Variants in CNTN5 observed in about 807,000 individuals in gnomAD.
CNTN5 encodes the protein contactin 5.
CNTN5 carries 77 observed loss-of-function variants against 129.1 expected under a neutral mutation model. The ratio of observed to expected loss-of-function variants is 0.60; its 90% confidence interval spans 0.50 to 0.72. The LOEUF (loss-of-function observed/expected upper bound fraction) is 0.72. Among genes scored for constraint, CNTN5 ranks in the 30% least tolerant of loss-of-function variants. The probability of loss-of-function intolerance (pLI) is 0.00; values close to 1 mark genes in which losing one functional copy is unlikely to be tolerated. For missense variants in CNTN5, 1,478 were observed against 1,328.8 expected (o/e 1.11, Z -1.75); for synonymous variants, 509 against 465.6 (o/e 1.09, Z -1.20).
chr11:99,209,984 T>C (rs1859684607), intron 1 of CNTN5, among the ~76,000 whole-genome samples: 1 of 152,158 alleles, frequency 6.6e-6, no homozygotes, highest in Admixed American at 6.5e-5. Flanking sequence ...GTAAAACCTA[T>C]CAAAGTTCCA....
At chr11:99,635,749 AAATT>A in intron 3 of CNTN5, among the ~76,000 whole-genome samples, 1 of 152,202 alleles carries the variant, frequency 6.6e-6, no homozygotes, top group East Asian at 1.9e-4. Flanking sequence ...GTAGGTAAAT[AAATT>A]ATGTTTATGT....
intron 3 of CNTN5, among the ~76,000 whole-genome samples, chr11:99,567,649 C>T (rs555492563): frequency 6.6e-6 from 1 of 152,184 alleles, no homozygotes; most frequent in African/African-American, 2.4e-5. Flanking sequence ...TCTGACTTCC[C>T]TGCTGCAGTT....
At chr11:99,301,487 G>A (rs1000712461) in intron 1 of CNTN5, among the ~76,000 whole-genome samples, 2 of 151,638 alleles carry the variant, frequency 1.3e-5, no homozygotes, top group African/African-American at 4.8e-5. Flanking sequence ...TATTGTTACT[G>A]GAGACAAGAG....
chr11:99,258,291 T>G (rs1282548647), intron 1 of CNTN5, among the ~76,000 whole-genome samples: 5 of 152,056 alleles, frequency 3.3e-5, no homozygotes, highest in South Asian at 4.1e-4. Flanking sequence ...TTCCTGATCC[T>G]CACCCTCCTC....
chr11:100,356,478 A>G lies in CNTN5; in HGVS notation c.*258A>G, dbSNP rs1208077532. ...GTATGTAATGAATTTTTGTAAACAA[A>G]GGTAATTTCTGTCAAATGTATTCTT... On this transcript the variant is annotated 3_prime_UTR_variant, in exon 25 of 25. Transcript: ENST00000524871. 2 of 464,598 alleles carry G rather than the reference A, an allele frequency of 4.3e-6. No individual in the cohort carries two copies. Among genetic ancestry groups the G allele is most frequent in the Admixed American group, 7.5e-5 (2 of 26,566 alleles). The allele number at this position is 464,598 out of a possible 1,614,324, so 28.8% of individuals were successfully genotyped here.
intron 21 of CNTN5, among the ~76,000 whole-genome samples, chr11:100,337,950 A>C (rs1952069366): frequency 6.6e-6 from 1 of 152,254 alleles, no homozygotes; most frequent in South Asian, 2.1e-4. Flanking sequence ...AACCAAAGAA[A>C]GTCCCATAAG....
intron 13 of CNTN5, among the ~76,000 whole-genome samples, chr11:100,085,550 C>T (rs1944517262): frequency 6.6e-6 from 1 of 152,012 alleles, no homozygotes; most frequent in East Asian, 1.9e-4. Flanking sequence ...AAGGAGGCAC[C>T]TGTCTGGTGG....
intron 3 of CNTN5, among the ~76,000 whole-genome samples, chr11:99,793,505 G>A (rs187649651): frequency 6.6e-6 from 1 of 152,156 alleles, no homozygotes; most frequent in East Asian, 1.9e-4. Flanking sequence ...TGTACTTCTA[G>A]TTCCTCTAGT....
intron 3 of CNTN5, among the ~76,000 whole-genome samples, chr11:99,796,459 G>T (rs1945944247): frequency 2.6e-5 from 4 of 152,046 alleles, no homozygotes. Flanking sequence ...ATGGTGGGGG[G>T]TAAGTGCGAG....
intron 9 of CNTN5, among the ~76,000 whole-genome samples, chr11:100,037,638 A>G (rs1265032124): frequency 6.6e-6 from 1 of 152,040 alleles, no homozygotes; most frequent in Non-Finnish European, 1.5e-5. Context: ...TATTGCCACA[A>G]TTTCAGCTCC....
At chr11:99,414,685 G>C (rs764886812) in intron 2 of CNTN5, among the ~76,000 whole-genome samples, 9 of 152,156 alleles carry the variant, frequency 5.9e-5, no homozygotes, top group Non-Finnish European at 1.0e-4. Flanking sequence ...CTGAATTATG[G>C]GAGAGACTAA....
chr11:100,039,835 C>A (rs1942267936), intron 9 of CNTN5, among the ~76,000 whole-genome samples: 1 of 152,178 alleles, frequency 6.6e-6, no homozygotes. Context: ...CCTTTAAGGA[C>A]TTCTCTGCAT....
chr11:100,113,765 T>G (rs1309661204), intron 13 of CNTN5, among the ~76,000 whole-genome samples: 1 of 152,140 alleles, frequency 6.6e-6, no homozygotes, highest in Non-Finnish European at 1.5e-5. Context: ...TTATAAACAC[T>G]TCAAATTACT....
chr11:99,393,585 G>C (rs765460465), intron 2 of CNTN5, among the ~76,000 whole-genome samples: 1 of 151,702 alleles, frequency 6.6e-6, no homozygotes, highest in Non-Finnish European at 1.5e-5. Flanking sequence ...TAAGACTTTA[G>C]GCTTTTTAAC....
intron 6 of CNTN5, among the ~76,000 whole-genome samples, chr11:99,898,847 ATCC>A (rs1222510125): frequency 6.6e-6 from 1 of 151,922 alleles, no homozygotes; most frequent in Non-Finnish European, 1.5e-5. Flanking sequence ...ACAATTTTAT[ATCC>A]TGTATTTTTC....
At chr11:99,211,383 C>A (rs992132092) in intron 1 of CNTN5, among the ~76,000 whole-genome samples, 3 of 152,022 alleles carry the variant, frequency 2.0e-5, no homozygotes, top group East Asian at 3.9e-4. Context: ...CTAGTCTAGA[C>A]AATTTTTTAA....
intron 3 of CNTN5, among the ~76,000 whole-genome samples, chr11:99,797,223 G>A (rs1945972511): frequency 6.6e-6 from 1 of 152,094 alleles, no homozygotes; most frequent in African/African-American, 2.4e-5. Flanking sequence ...AGGAGTGCAG[G>A]CGTAATTTTT....
intron 1 of CNTN5, among the ~76,000 whole-genome samples, chr11:99,101,695 C>A (rs1866741435): frequency 6.6e-6 from 1 of 152,218 alleles, no homozygotes; most frequent in African/African-American, 2.4e-5. Context: ...GATGGGCTCC[C>A]ATGACCTTGG....
intron 7 of CNTN5, among the ~76,000 whole-genome samples, chr11:99,935,222 C>A (rs898840944): frequency 1.3e-5 from 2 of 151,382 alleles, no homozygotes; most frequent in Non-Finnish European, 2.9e-5. Context: ...AACCAGGGTT[C>A]CAAAAGAAAA....
Sources: allele counts gnomAD v4.1 joint callset (sites outside exome capture counted in the v4.1 genomes callset), GRCh38; gene constraint gnomAD v4.1.1; transcripts MANE v1.5; gene names NCBI Gene and HGNC (gene_info 2026-07-23, HGNC 2026-07-21).